The following RFX3 variants were observed in gnomAD, a reference collection of about 807,000 sequenced individuals.
RFX3 encodes regulatory factor X3, also known as transcription factor RFX3.
RFX3 carries 14 observed loss-of-function variants against 98.6 expected under a neutral mutation model. The ratio of observed to expected loss-of-function variants is 0.14; its 90% CI spans 0.09 to 0.22. The LOEUF (loss-of-function observed/expected upper bound fraction) is 0.22. Among genes scored for constraint, RFX3 ranks in the 10% least tolerant of loss-of-function variants. RFX3 has a pLI of 1.00. For synonymous variants in RFX3, 383 were observed against 328.4 expected (o/e 1.17, Z -1.80); for missense variants, 639 against 926.9 (o/e 0.69, Z 4.03).
chr9:3,408,942 A>G (rs961271415), intron 1 of RFX3, among the ~76,000 whole-genome samples: 4 of 152,226 alleles, frequency 2.6e-5, no homozygotes, highest in African/African-American at 4.8e-5. Flanking sequence ...CAAATTACCC[A>G]TTCAGTCAAA....
chr9:3,324,526 C>T (rs1190155226), intron 4 of RFX3, among the ~76,000 whole-genome samples: 1 of 148,604 alleles, frequency 6.7e-6, no homozygotes, highest in African/African-American at 2.5e-5. Flanking sequence ...AACAAAAAGT[C>T]TCCAAGACAT....
chr9:3,395,893 C>T (rs947978879), intron 1 of RFX3, among the ~76,000 whole-genome samples: 1 of 152,084 alleles, frequency 6.6e-6, no homozygotes, highest in Non-Finnish European at 1.5e-5. Context: ...GTTTAAATCC[C>T]TTTATAAACT....
intron 1 of RFX3, among the ~76,000 whole-genome samples, chr9:3,510,712 T>C (rs146869128): frequency 0.012 from 1,763 of 152,202 alleles, 28 homozygotes; most frequent in African/African-American, 0.031. Context: ...TAAGGAAATC[T>C]ATAAATATTT....
At chr9:3,460,934 C>G (rs1476002883) in intron 1 of RFX3, among the ~76,000 whole-genome samples, 2 of 151,830 alleles carry the variant, frequency 1.3e-5, no homozygotes, top group Admixed American at 1.3e-4. Flanking sequence ...CTCCTGTAGT[C>G]TTACTCTAAT....
At chr9:3,440,305 G>T (rs556330256) in intron 1 of RFX3, among the ~76,000 whole-genome samples, 4 of 152,018 alleles carry the variant, frequency 2.6e-5, no homozygotes, top group South Asian at 4.2e-4. Context: ...TTTAAAGAAA[G>T]AAATAAAATT....
chr9:3,332,421 T>C (rs1832700256), intron 3 of RFX3, among the ~76,000 whole-genome samples: 1 of 152,182 alleles, frequency 6.6e-6, no homozygotes, highest in Non-Finnish European at 1.5e-5. Context: ...AGCAAAGATG[T>C]CACTATCTTA....
At chr9:3,489,343 C>A in intron 1 of RFX3, 2 of 731,882 alleles carry the variant, frequency 2.7e-6, no homozygotes, top group Non-Finnish European at 3.3e-6. Context: ...ACCTATCCAC[C>A]CCACCCTGAC....
At chr9:3,357,770 C>T (rs75347228) in intron 2 of RFX3, among the ~76,000 whole-genome samples, 10,772 of 152,016 alleles carry the variant, frequency 0.071, 468 homozygotes, top group African/African-American at 0.12. Flanking sequence ...AGAAAAGATA[C>T]ATGTTTGAGG....
intron 14 of RFX3, among the ~76,000 whole-genome samples, chr9:3,254,009 CT>C (rs1821771352): frequency 6.6e-6 from 1 of 152,058 alleles, no homozygotes; most frequent in African/African-American, 2.4e-5. Context: ...TGTGCCTTTC[CT>C]TCTGGGGCCC....
chr9:3,457,282 T>G (rs1446509205), intron 1 of RFX3, among the ~76,000 whole-genome samples: 2 of 152,124 alleles, frequency 1.3e-5, no homozygotes, highest in Admixed American at 1.3e-4. Context: ...GATCTTTAGT[T>G]TTCTGGCATC....
chr9:3,428,903 TAGAC>T (rs1300258283), intron 1 of RFX3, among the ~76,000 whole-genome samples: 5 of 152,152 alleles, frequency 3.3e-5, no homozygotes, highest in African/African-American at 9.7e-5. Context: ...TGCTTAGAGA[TAGAC>T]AGGGCTAAAT....
intron 2 of RFX3, among the ~76,000 whole-genome samples, chr9:3,351,765 C>G (rs1009418431): frequency 6.6e-6 from 1 of 151,760 alleles, no homozygotes; most frequent in African/African-American, 2.4e-5. Context: ...ACTTTTTACT[C>G]TCTAGAACTA....
At chr9:3,342,021 C>T (rs1051834330) in intron 3 of RFX3, among the ~76,000 whole-genome samples, 2 of 152,052 alleles carry the variant, frequency 1.3e-5, no homozygotes, top group Non-Finnish European at 2.9e-5. Context: ...AGAAATATTC[C>T]TTTTAAGGTT....
chr9:3,386,127 T>G (rs117231731), intron 2 of RFX3, among the ~76,000 whole-genome samples: 288 of 152,248 alleles, frequency 1.9e-3, no homozygotes, highest in Non-Finnish European at 3.3e-3. Context: ...GGAACAAAAG[T>G]TCTTGACTAG....
intron 7 of RFX3, among the ~76,000 whole-genome samples, chr9:3,287,460 T>C (rs551640405): frequency 6.6e-6 from 1 of 152,094 alleles, no homozygotes; most frequent in Admixed American, 6.6e-5. Flanking sequence ...CAACTTTATT[T>C]TGTGCTTGTG....
chr9:3,343,623 C>T (rs963088732), intron 3 of RFX3, among the ~76,000 whole-genome samples: 1 of 152,162 alleles, frequency 6.6e-6, no homozygotes, highest in Non-Finnish European at 1.5e-5. Flanking sequence ...CTTATGGTCG[C>T]TAGTTGCTAA....
At chr9:3,420,707 C>G (rs1257505234) in intron 1 of RFX3, 2 of 851,948 alleles carry the variant, frequency 2.3e-6, no homozygotes, top group African/African-American at 3.7e-5. Flanking sequence ...ACAGCAAAGT[C>G]AGGAATTATT....
chr9:3,270,652 C>T, intron 10 of RFX3, 127 bp from the exon 11 acceptor site: 5 of 904,502 alleles, frequency 5.5e-6, no homozygotes, highest in Admixed American at 2.5e-5. Flanking sequence ...TGCACTGGTG[C>T]CATACAGCTG....
intron 1 of RFX3, chr9:3,420,821 T>A: frequency 1.0e-6 from 1 of 985,280 alleles, no homozygotes; most frequent in Non-Finnish European, 1.2e-6. Flanking sequence ...CTTCAGATGA[T>A]CCAAGATGTC....
Sources: allele counts gnomAD v4.1 joint callset (sites outside exome capture counted in the v4.1 genomes callset), GRCh38; gene constraint gnomAD v4.1.1; transcripts MANE v1.5; gene names NCBI Gene and HGNC (gene_info 2026-07-23, HGNC 2026-07-21).